ATG101: variants seen among roughly 807,000 people sequenced by gnomAD.
ATG101 encodes the protein autophagy related 101.
A neutral mutation model predicts 16.7 loss-of-function variants in ATG101; 6 were observed. That is an observed-to-expected ratio of 0.36 (90% confidence interval 0.20 to 0.71). ATG101 has a LOEUF of 0.71. Among genes scored for constraint, ATG101 ranks in the 30% least tolerant of loss-of-function variants. The pLI, the probability that ATG101 is intolerant of heterozygous loss-of-function variation, is 0.57. For missense variants in ATG101, 200 were observed against 292.5 expected (o/e 0.68, Z 2.31); for synonymous variants, 108 against 118.1 (o/e 0.91, Z 0.56).
At chr12:52,068,906 A>G (rs1042058083), upstream of ATG101, among the ~76,000 whole-genome samples, 2 of 145,770 alleles carry the variant, frequency 1.4e-5, no homozygotes, top group Non-Finnish European at 3.0e-5. Flanking sequence ...CAGGAGAATG[A>G]CGTGAACCCA....
chr12:52,073,204 T>G (rs1939677325), intron 2 of ATG101, among the ~76,000 whole-genome samples: 1 of 152,268 alleles, frequency 6.6e-6, no homozygotes, highest in South Asian at 2.1e-4. Context: ...CTTTCTGTAC[T>G]TCTTACTCCC....
chr12:52,071,961 A>G (rs556403766), intron 2 of ATG101, among the ~76,000 whole-genome samples: 3 of 152,242 alleles, frequency 2.0e-5, no homozygotes, highest in East Asian at 3.9e-4. Flanking sequence ...CCCTCTGGGC[A>G]TGTATTTAGT....
intron 3 of ATG101, among the ~76,000 whole-genome samples, chr12:52,074,780 G>A (rs572718947): frequency 2.0e-5 from 3 of 152,216 alleles, no homozygotes; most frequent in African/African-American, 4.8e-5. Context: ...GAAACATGGC[G>A]AAACTCCGTC....
chr12:52,077,340 T>G lies in ATG101; in HGVS notation c.*150T>G. The G allele has an allele frequency of 1.2e-6, 1 of 862,862 alleles. No homozygotes were observed. Among genetic ancestry groups the G allele is most frequent in the South Asian group, 1.8e-5 (1 of 55,270 alleles). The allele number at this position is 862,862 out of a possible 1,614,324, so 53.5% of individuals were successfully genotyped here. A position where few individuals can be genotyped will look rare whatever the true frequency, so the allele number is the denominator to read the frequency against. On this transcript the variant is annotated 3_prime_UTR_variant, in exon 4 of 4. Coordinates refer to ENST00000336854, the MANE Select transcript of ATG101 (RefSeq NM_021934.5). ...CCCGCTGGCTTCTTGGTTTTGTGGTTGCCAGCCTCAGGTCATCCTTTTAAT... is the reference window on the plus strand; with the variant it reads ...CCCGCTGGCTTCTTGGTTTTGTGGTGGCCAGCCTCAGGTCATCCTTTTAAT...
chr12:52,073,818 C>G lies in ATG101; in HGVS notation c.168C>G (p.Asp56Glu), dbSNP rs1592317547. 3 of 1,614,254 alleles carry G rather than the reference C, an allele frequency of 1.9e-6. No individual in the cohort carries two copies. Among genetic ancestry groups the G allele is most frequent in the Non-Finnish European group, 2.5e-6 (3 of 1,180,040 alleles). Residue 56 changes from aspartate (D) to glutamate (E), a missense_variant, in exon 3 of 4, where the codon GAC becomes GAG. Physicochemically the swap from Asp to Glu is conservative, Grantham distance 45. Coordinates refer to ENST00000336854, the MANE Select transcript of ATG101 (RefSeq NM_021934.5). ...GCACCGTGGGCACCCAGGATGTTGA[C>G]TGTGACTTCATCGACTTCACTTATG... ...SIGTVGTQDVDCDFIDFTYVR... is the reference protein window; with the variant it reads ...SIGTVGTQDVECDFIDFTYVR...
In ATG101 at chr12:52,077,071, A is replaced by G. The variant is rs376264710; in HGVS notation, c.538A>G (p.Thr180Ala). The change falls in exon 4 of 4, where the codon ACA (threonine) becomes GCA (alanine). Residue 180 changes from threonine (T) to alanine (A), a missense_variant. By Grantham distance (58) the Thr-to-Ala change is moderately conservative (BLOSUM62 0). Coordinates refer to ENST00000336854, the MANE Select transcript of ATG101 (RefSeq NM_021934.5). ...GTCGGAGGTGGATAACGTGTTTGAC[A>G]CAGGCTTGCGGGACGTGCAGCCCTA... is the stretch of plus-strand genomic sequence containing the variant. Reference protein sequence around the residue: ...TQSEVDNVFDTGLRDVQPYLY... With the variant: ...TQSEVDNVFDAGLRDVQPYLY... 33 of 1,614,054 alleles carry G rather than the reference A, an allele frequency of 2.0e-5. No individual in the cohort carries two copies. Among genetic ancestry groups the G allele is most frequent in the Non-Finnish European group, 2.7e-5 (32 of 1,180,040 alleles).
chr12:52,075,029 C>T (rs1939710972), intron 3 of ATG101, among the ~76,000 whole-genome samples: 3 of 151,760 alleles, frequency 2.0e-5, no homozygotes, highest in Non-Finnish European at 4.4e-5. Context: ...GAACTAAAGG[C>T]TGGTCTTGAA....
chr12:52,071,240 G>C (rs1373906374), intron 2 of ATG101: 1 of 152,140 alleles, frequency 6.6e-6, no homozygotes, highest in Admixed American at 6.6e-5. Flanking sequence ...AGTTTAAAAG[G>C]GGCAGACACA....
chr12:52,074,139 AG>A (rs1023482533), intron 3 of ATG101, among the ~76,000 whole-genome samples: 2 of 152,190 alleles, frequency 1.3e-5, no homozygotes, highest in Admixed American at 1.3e-4. Context: ...CTGGGGGAAA[AG>A]GGAGAGCAGG....
At chr12:52,066,112 G>T (rs184341516), upstream of ATG101, among the ~76,000 whole-genome samples, 6 of 152,280 alleles carry the variant, frequency 3.9e-5, no homozygotes, top group Admixed American at 2.0e-4. Flanking sequence ...CCCGACCTCA[G>T]GTGATCTGCC....
At chr12:52,076,075 T>A (rs1225448873) in intron 3 of ATG101, among the ~76,000 whole-genome samples, 1 of 152,214 alleles carries the variant, frequency 6.6e-6, no homozygotes, top group Non-Finnish European at 1.5e-5. Context: ...GGAGGATCGC[T>A]TGAGCCCAGG....
intron 3 of ATG101, among the ~76,000 whole-genome samples, chr12:52,075,350 C>T (rs1236614069): frequency 2.0e-5 from 3 of 152,206 alleles, no homozygotes; most frequent in East Asian, 3.8e-4. Flanking sequence ...GAGCTGGGGT[C>T]TGCCACCCAG....
intron 2 of ATG101, chr12:52,071,149 C>T (rs1465259322): frequency 6.6e-6 from 1 of 151,042 alleles, no homozygotes; most frequent in South Asian, 2.1e-4. Context: ...TAGACGCGAG[C>T]TGATCGCCAG....
chr12:52,070,575 C>T (rs1939628807), intron 2 of ATG101, 92 bp downstream of exon 2: 1 of 152,414 alleles, frequency 6.6e-6, no homozygotes, highest in Admixed American at 6.5e-5. Flanking sequence ...CGAGACTTTC[C>T]AGACCCTACT....
chr12:52,066,027 G>A (rs1185828991), upstream of ATG101, among the ~76,000 whole-genome samples: 1 of 152,122 alleles, frequency 6.6e-6, no homozygotes, highest in Non-Finnish European at 1.5e-5. Flanking sequence ...ACAGGCATGC[G>A]CCACCACACC....
At chr12:52,068,938 C>T (rs1159706394), upstream of ATG101, among the ~76,000 whole-genome samples, 1 of 137,586 alleles carries the variant, frequency 7.3e-6, no homozygotes, top group Admixed American at 8.4e-5. Context: ...TTGCAGTGAG[C>T]CGAGATAGCG....
chr12:52,076,011 A>G (rs1765246546), intron 3 of ATG101, among the ~76,000 whole-genome samples: 2 of 152,152 alleles, frequency 1.3e-5, no homozygotes, highest in South Asian at 2.1e-4. Flanking sequence ...AATAAAAAAA[A>G]TTAAAACTTA....
intron 2 of ATG101, 73 bp from the exon 3 acceptor site, chr12:52,073,502 G>T (rs1302080803): frequency 6.8e-6 from 7 of 1,027,364 alleles, no homozygotes; most frequent in Non-Finnish European, 2.8e-6. Context: ...AGGCTGAGCT[G>T]AGCCTAGAAG....
rs1939614742 is a variant in ATG101, at chr12:52,070,003, A to C, written c.-446A>C. 1 of 152,380 alleles carries C rather than the reference A, an allele frequency of 6.6e-6. No homozygotes were observed. The highest frequency in any genetic ancestry group is 2.4e-5 in the African/African-American group (1 of 41,438). The allele number at this position is 152,380 out of a possible 1,614,324, so 9.4% of individuals were successfully genotyped here. A position where few individuals can be genotyped will look rare whatever the true frequency, so the allele number is the denominator to read the frequency against. On this transcript the variant is annotated 5_prime_UTR_variant, in exon 1 of 4. Transcript: ENST00000336854. ...CCGGTCCCGGCTCAGCCTCCGACCC[A>C]GGTGGTCTGGAGCCTGCCGGGAGAG... is the stretch of plus-strand genomic sequence containing the variant.
Sources: allele counts gnomAD v4.1 joint callset (sites outside exome capture counted in the v4.1 genomes callset), GRCh38; gene constraint gnomAD v4.1.1; transcripts MANE v1.5; gene names NCBI Gene and HGNC (gene_info 2026-07-23, HGNC 2026-07-21).